The following LRP2BP variants were observed in gnomAD, a reference collection of about 807,000 sequenced individuals.
LRP2BP encodes LRP2-binding protein.
Under a neutral mutation model 45.2 loss-of-function variants are expected in LRP2BP, and 38 were observed. The ratio of observed to expected loss-of-function variants is 0.84; its 90% CI spans 0.65 to 1.10. The LOEUF (loss-of-function observed/expected upper bound fraction) is 1.10. LRP2BP is among the 50% of genes least tolerant of loss of function. The pLI, the probability that LRP2BP is intolerant of heterozygous loss-of-function variation, is 0.00. For missense variants in LRP2BP, 385 were observed against 418.9 expected (o/e 0.92, Z 0.71); for synonymous variants, 153 against 153.9 (o/e 0.99, Z 0.04).
chr4:185,386,853 G>T (rs1474197683), intron 1 of LRP2BP, among the ~76,000 whole-genome samples: 1 of 152,178 alleles, frequency 6.6e-6, no homozygotes, highest in East Asian at 1.9e-4. Flanking sequence ...GAGGACAGAG[G>T]CAAGTGGATG....
chr4:185,391,704 C>T (rs557697256), intron 1 of LRP2BP, among the ~76,000 whole-genome samples: 8 of 152,132 alleles, frequency 5.3e-5, no homozygotes, highest in Non-Finnish European at 8.8e-5. Flanking sequence ...TGGTACTACA[C>T]GATGCTCTAG....
chr4:185,375,646 C>T lies in LRP2BP; in HGVS notation c.297G>A (p.Met99Ile). The T allele has an allele frequency of 1.2e-6, 2 of 1,611,436 alleles. No individual in the cohort carries two copies. The highest frequency in any genetic ancestry group is 1.1e-5 in the South Asian group (1 of 90,896). The change falls in exon 4 of 9, where the codon ATG becomes ATA. Residue 99 changes from methionine (M) to isoleucine (I), a missense_variant. Physicochemically the swap from Met to Ile is conservative, Grantham distance 10 (BLOSUM62 1). Coordinates refer to ENST00000505916, the MANE Select transcript of LRP2BP (RefSeq NM_001377440.1). The part of the protein sequence containing the change: ...DHQATYQLGV[M>I]YYDGLGTTLD... ...GAGTGGTCCCCAGCCCATCATAGTA[C>T]ATCACTCCTAGCTGGTAAGTTGCTT...
At chr4:185,396,993 C>T (rs1191563302), upstream of LRP2BP, 3 of 1,612,452 alleles carry the variant, frequency 1.9e-6, no homozygotes, top group East Asian at 2.2e-5. Context: ...GTCCTGCAGG[C>T]TCAAGCTTCT....
intron 1 of LRP2BP, among the ~76,000 whole-genome samples, chr4:185,394,289 C>T (rs2095496167): frequency 8.2e-6 from 1 of 122,632 alleles, no homozygotes; most frequent in South Asian, 3.1e-4. Context: ...AAAAAAAGGC[C>T]TTTGGTTTGC....
chr4:185,376,869 G>T (rs2095439802), intron 3 of LRP2BP, 40 bp downstream of exon 3: 1 of 1,440,724 alleles, frequency 6.9e-7, no homozygotes, highest in East Asian at 2.3e-5. Context: ...TCTAACAACA[G>T]AATTACAGGA....
chr4:185,386,681 A>G (rs2095472670), intron 1 of LRP2BP, among the ~76,000 whole-genome samples: 1 of 152,126 alleles, frequency 6.6e-6, no homozygotes, highest in East Asian at 1.9e-4. Flanking sequence ...AGACAGGTAC[A>G]CCCCAACGTG....
chr4:185,372,368 C>T (rs2095418879), intron 7 of LRP2BP, among the ~76,000 whole-genome samples: 2 of 152,178 alleles, frequency 1.3e-5, no homozygotes, highest in Non-Finnish European at 2.9e-5. Flanking sequence ...AACCACCAGC[C>T]ATATGAATAT....
chr4:185,389,299 C>G (rs990480105), intron 1 of LRP2BP, among the ~76,000 whole-genome samples: 1 of 151,902 alleles, frequency 6.6e-6, no homozygotes, highest in African/African-American at 2.4e-5. Context: ...ACCTCCACCT[C>G]CCAGGTTCAC....
At position 185,364,644 on chromosome 4, in the gene LRP2BP, GA is replaced by G. The variant is rs773380734; in HGVS notation, c.*2535del. 72 of 152,078 alleles carry G rather than the reference GA, an allele frequency of 4.7e-4. No homozygotes were observed. The highest frequency in any genetic ancestry group is 7.9e-4 in the Non-Finnish European group (54 of 67,994). The allele number at this position is 152,078 out of a possible 1,614,324, so 9.4% of individuals were successfully genotyped here. On this transcript the variant is annotated 3_prime_UTR_variant, in exon 9 of 9. Transcript: ENST00000505916. The stretch of plus-strand genomic sequence containing the variant: ...TTAGTAAACCAAATGTTATCCTTAA[GA>G]TTTTTTTAGTTATAGCTTTTTTATC...
Position 185,374,351 on chromosome 4 carries a change from T to G in LRP2BP, c.441A>C (p.Lys147Asn), listed in dbSNP as rs1005998827. ...YNLGRAYYEG[K>N]GVKRSNEEAE... Reference sequence around the variant, plus strand: ...CTTCCTCATTTGATCGTTTAACACCTTTTCCTTCATAATAAGCTCTTCCGA... The same window carrying G: ...CTTCCTCATTTGATCGTTTAACACCGTTTCCTTCATAATAAGCTCTTCCGA... Residue 147 changes from lysine (K) to asparagine (N), a missense_variant, in exon 5 of 9, where the codon AAA becomes AAC. Transcript: ENST00000505916. 1 of 1,614,002 alleles carries G rather than the reference T, an allele frequency of 6.2e-7. No individual in the cohort carries two copies. Among genetic ancestry groups the G allele is most frequent in the African/African-American group, 1.3e-5 (1 of 74,930 alleles).
chr4:185,367,537 G>C (rs1217787527), intron 8 of LRP2BP, among the ~76,000 whole-genome samples: 1 of 152,170 alleles, frequency 6.6e-6, no homozygotes, highest in Non-Finnish European at 1.5e-5. Flanking sequence ...ATTAAAATAA[G>C]TAAAATGGAG....
At chr4:185,389,751 CTTCT>C (rs922698753) in intron 1 of LRP2BP, among the ~76,000 whole-genome samples, 27 of 152,120 alleles carry the variant, frequency 1.8e-4, no homozygotes, top group African/African-American at 3.9e-4. Flanking sequence ...CAGTCCTTAC[CTTCT>C]TTAAGTGAAA....
chr4:185,374,268 C>G (rs2126796812), intron 5 of LRP2BP, 28 bp from the exon 6 acceptor site: 1 of 1,614,080 alleles, frequency 6.2e-7, no homozygotes, highest in Non-Finnish European at 8.5e-7. Context: ...GCATGTTATT[C>G]TCGGTTTCAG....
chr4:185,385,913 G>GGA (rs887959282), intron 1 of LRP2BP, among the ~76,000 whole-genome samples: 4 of 147,746 alleles, frequency 2.7e-5, no homozygotes, highest in African/African-American at 7.6e-5. Context: ...GGAGGGGGGG[G>GGA]GGGAGATAAA....
Position 185,382,284 on chromosome 4 carries a change from T to C in LRP2BP, c.-21-4077A>G, listed in dbSNP as rs536364558. ...TTCATCAGTTGATAAGCACTTGGAT[T>C]GTTTCCAGCTTTGGCCTATTATGAA... On this transcript the variant is annotated intron_variant, in intron 1 of 8. Transcript: ENST00000505916. Among the ~76,000 whole-genome samples, 10 of 152,366 alleles carry C rather than the reference T, an allele frequency of 6.6e-5. No homozygotes were observed. The South Asian group carries it at 2.1e-3, about 32-fold the overall frequency.
chr4:185,377,030 A>C lies in LRP2BP; in HGVS notation c.107-12T>G. 1 of 1,558,706 alleles carries C rather than the reference A, an allele frequency of 6.4e-7. No homozygotes were observed. The highest frequency in any genetic ancestry group is 2.2e-5 in the East Asian group (1 of 44,612). ...AGCATGGGTGTAATCTGATTTTAAAAAGGTAAGGAATTCCATCAACCACAC... is the reference window on the plus strand; with the variant it reads ...AGCATGGGTGTAATCTGATTTTAAACAGGTAAGGAATTCCATCAACCACAC... On this transcript the variant is annotated splice_polypyrimidine_tract_variant and intron_variant, in intron 2 of 8. Transcript: ENST00000505916.
intron 1 of LRP2BP, among the ~76,000 whole-genome samples, chr4:185,388,570 AAT>A (rs1309020800): frequency 1.3e-5 from 2 of 152,198 alleles, no homozygotes; most frequent in African/African-American, 4.8e-5. Flanking sequence ...GTTCGGTAAG[AAT>A]AAACCTTAAG....
rs1344326054 is a variant in LRP2BP, at chr4:185,395,002, T to C, written c.-245A>G. The C allele has an allele frequency of 3.0e-6, 3 of 985,368 alleles. No homozygotes were observed. Among genetic ancestry groups the C allele is most frequent in the Non-Finnish European group, 3.6e-6 (3 of 829,950 alleles). The allele number at this position is 985,368 out of a possible 1,614,324, so 61.0% of individuals were successfully genotyped here. On this transcript the variant is annotated 5_prime_UTR_variant, in exon 1 of 9. Coordinates refer to ENST00000505916, the MANE Select transcript of LRP2BP (RefSeq NM_001377440.1). ...AGATATTGTCCCCCAAATGTACTTA[T>C]CCTGTTTTTGTGCATTATAAGCTTT... is the stretch of plus-strand genomic sequence containing the variant.
rs1453508658 is a variant in LRP2BP at position 185,367,172 on chromosome 4, A to G, written c.*8T>C. 6.2e-7 allele frequency: 1 copy of G among 1,609,162 alleles called. No homozygotes were observed. Among genetic ancestry groups the G allele is most frequent in the East Asian group, 2.2e-5 (1 of 44,836 alleles). ...GCATTGATGATCTTTGTTGAAATACATTGTGGTCTAAATTCTTTGACGAAT... is the reference window on the plus strand; with the variant it reads ...GCATTGATGATCTTTGTTGAAATACGTTGTGGTCTAAATTCTTTGACGAAT... On this transcript the variant is annotated 3_prime_UTR_variant, in exon 9 of 9. Transcript: ENST00000505916.
Sources: gnomAD v4.1 joint callset for allele counts (sites outside exome capture counted in the v4.1 genomes callset) on GRCh38, gnomAD v4.1.1 for gene constraint, MANE v1.5 for transcripts, NCBI Gene and HGNC (gene_info 2026-07-23, HGNC 2026-07-21) for gene names.